DOK6: variants seen among roughly 807,000 people sequenced by gnomAD.
DOK6 encodes the protein downstream of tyrosine kinase 6.
A neutral mutation model predicts 44.0 loss-of-function variants in DOK6; 22 were observed. The ratio of observed to expected loss-of-function variants is 0.50; its 90% confidence interval spans 0.36 to 0.71. The LOEUF (loss-of-function observed/expected upper bound fraction) is 0.71, where lower values mean the gene tolerates loss of function less well. Ranked by LOEUF, DOK6 falls within the 30% of genes least tolerant of loss-of-function variation. The pLI is 0.00. For missense variants in DOK6, 340 were observed against 416.4 expected, an observed-to-expected ratio of 0.82 and a Z score of 1.60; for synonymous variants, 166 against 145.5, an observed-to-expected ratio of 1.14 and a Z score of -1.01.
chr18:69,498,406 C>T (rs144507969), intron 1 of DOK6, among the ~76,000 whole-genome samples: 396 of 152,150 alleles, frequency 2.6e-3, no homozygotes, highest in African/African-American at 8.9e-3. Flanking sequence ...CTTTGAAGAA[C>T]AGAGTTGGGA....
intron 2 of DOK6, among the ~76,000 whole-genome samples, chr18:69,596,750 G>A (rs1983751416): frequency 6.6e-6 from 1 of 152,090 alleles, no homozygotes; most frequent in African/African-American, 2.4e-5. Context: ...GTATCAGTAA[G>A]GTAATTATAA....
chr18:69,766,737 C>T (rs936255052), intron 7 of DOK6, among the ~76,000 whole-genome samples: 1 of 152,142 alleles, frequency 6.6e-6, no homozygotes, highest in African/African-American at 2.4e-5. Flanking sequence ...AAAATCCACA[C>T]ATAAATGAAC....
chr18:69,656,247 G>A (rs544077727), intron 3 of DOK6, among the ~76,000 whole-genome samples: 4 of 152,234 alleles, frequency 2.6e-5, no homozygotes, highest in East Asian at 1.9e-4. Flanking sequence ...TGAATAGTAA[G>A]GGTAGCAAGA....
At chr18:69,630,551 A>T (rs768110188) in intron 3 of DOK6, among the ~76,000 whole-genome samples, 3 of 152,240 alleles carry the variant, frequency 2.0e-5, no homozygotes, top group Non-Finnish European at 4.4e-5. Flanking sequence ...CAAAGGGCTG[A>T]GTGTAGAGTA....
chr18:69,811,183 T>G (rs1568132926), intron 7 of DOK6, among the ~76,000 whole-genome samples: 1 of 151,940 alleles, frequency 6.6e-6, no homozygotes, highest in South Asian at 2.1e-4. Flanking sequence ...AATATTATGT[T>G]AAGTGAAATA....
intron 6 of DOK6, among the ~76,000 whole-genome samples, chr18:69,740,512 T>C (rs999515390): frequency 2.0e-5 from 3 of 152,272 alleles, no homozygotes; most frequent in African/African-American, 2.4e-5. Flanking sequence ...AAGCAAAAGC[T>C]CATAGAGTGA....
chr18:69,505,554 A>G (rs913156497), intron 1 of DOK6, among the ~76,000 whole-genome samples: 1 of 141,194 alleles, frequency 7.1e-6, no homozygotes, highest in Non-Finnish European at 1.5e-5. Flanking sequence ...CTGGAGTGCA[A>G]TGGTGTAATC....
At chr18:69,448,992 A>T (rs1390529267) in intron 1 of DOK6, among the ~76,000 whole-genome samples, 1 of 152,234 alleles carries the variant, frequency 6.6e-6, no homozygotes, top group Non-Finnish European at 1.5e-5. Flanking sequence ...GAAAGTACAA[A>T]GAAGAGCTGA....
intron 3 of DOK6, among the ~76,000 whole-genome samples, chr18:69,668,299 T>C (rs1451367649): frequency 6.6e-6 from 1 of 152,194 alleles, no homozygotes; most frequent in African/African-American, 2.4e-5. Context: ...ACTTTATTTT[T>C]GTATTTTACT....
chr18:69,768,305 T>A (rs557904931), intron 7 of DOK6, among the ~76,000 whole-genome samples: 1 of 152,216 alleles, frequency 6.6e-6, no homozygotes, highest in African/African-American at 2.4e-5. Flanking sequence ...GTCTTTGTCA[T>A]GTATATGTAT....
chr18:69,631,465 C>T (rs1984688421), intron 3 of DOK6, among the ~76,000 whole-genome samples: 1 of 152,174 alleles, frequency 6.6e-6, no homozygotes, highest in African/African-American at 2.4e-5. Flanking sequence ...TAACATGAAA[C>T]TCCAACTTTA....
chr18:69,826,107 T>G (rs1402383244), intron 7 of DOK6, among the ~76,000 whole-genome samples: 9 of 152,190 alleles, frequency 5.9e-5, no homozygotes, highest in Admixed American at 5.9e-4. Flanking sequence ...ACCTCTCCTG[T>G]AGGCCTATCA....
At chr18:69,631,567 T>C (rs1225700805) in intron 3 of DOK6, among the ~76,000 whole-genome samples, 1 of 152,164 alleles carries the variant, frequency 6.6e-6, no homozygotes, top group Non-Finnish European at 1.5e-5. Context: ...ACCTCCCCTC[T>C]TTCAGGGCTC....
chr18:69,556,444 G>A (rs943372199), intron 1 of DOK6, among the ~76,000 whole-genome samples: 2 of 151,926 alleles, frequency 1.3e-5, no homozygotes, highest in South Asian at 2.1e-4. Context: ...CCATCCTTGT[G>A]CATAATTCTC....
intron 7 of DOK6, among the ~76,000 whole-genome samples, chr18:69,761,214 C>G (rs942332502): frequency 5.3e-5 from 8 of 150,880 alleles, no homozygotes; most frequent in Admixed American, 5.3e-4. Context: ...AAGAGCCTGC[C>G]TTTCCCTGGG....
At chr18:69,760,437 A>G (rs773045763) in intron 7 of DOK6, among the ~76,000 whole-genome samples, 3 of 152,094 alleles carry the variant, frequency 2.0e-5, no homozygotes, top group Non-Finnish European at 2.9e-5. Flanking sequence ...AGTTTATTAA[A>G]AAGCTTTAGA....
chr18:69,545,116 TAA>T (rs11415632), intron 1 of DOK6, among the ~76,000 whole-genome samples: 2 of 145,078 alleles, frequency 1.4e-5, no homozygotes, highest in African/African-American at 5.0e-5. Context: ...CGAGACACCA[TAA>T]AAAAAAAAAA....
intron 5 of DOK6, chr18:69,721,314 A>G (rs1405943235): frequency 2.0e-5 from 3 of 152,230 alleles, no homozygotes; most frequent in Admixed American, 2.0e-4. Flanking sequence ...TAAGCTAACT[A>G]TTTACCTGAA....
chr18:69,512,332 C>CTTCTTCTTTTTTTTTT (rs59109570), intron 1 of DOK6, among the ~76,000 whole-genome samples: 4 of 91,680 alleles, frequency 4.4e-5, no homozygotes, highest in African/African-American at 1.4e-4. Context: ...CTTTCTTCTT[C>CTTCTTCTTTTTTTTTT]TTTTTTTTTT....
Sources: gnomAD v4.1 joint callset for allele counts (sites outside exome capture counted in the v4.1 genomes callset) on GRCh38, gnomAD v4.1.1 for gene constraint, MANE v1.5 for transcripts, NCBI Gene and HGNC (gene_info 2026-07-23, HGNC 2026-07-21) for gene names.